Variants in INPP5A observed in about 807,000 individuals in gnomAD.
INPP5A encodes the protein 43 kDa inositol polyphosphate 5-phophatase.
In INPP5A, 14 loss-of-function variants were observed where a neutral mutation model predicts 65.2. That is an observed-to-expected ratio of 0.21 (90% confidence interval 0.14 to 0.34). INPP5A has a LOEUF of 0.34. INPP5A is among the 10% of genes least tolerant of loss of function. The probability of loss-of-function intolerance (pLI) is 1.00; values close to 1 mark genes in which losing one functional copy is unlikely to be tolerated. For missense variants in INPP5A, 431 were observed against 545.6 expected (o/e 0.79, Z 2.09); for synonymous variants, 207 against 208.3 (o/e 0.99, Z 0.05).
chr10:132,589,361 A>G (rs189274360), intron 1 of INPP5A, among the ~76,000 whole-genome samples: 7 of 152,316 alleles, frequency 4.6e-5, no homozygotes, highest in African/African-American at 1.7e-4. Flanking sequence ...GGCAAAGGGA[A>G]GGTGGAGTTT....
At chr10:132,648,215 G>A (rs1393091861) in intron 3 of INPP5A, among the ~76,000 whole-genome samples, 5 of 152,264 alleles carry the variant, frequency 3.3e-5, no homozygotes, top group African/African-American at 1.2e-4. Flanking sequence ...CCCTGAGCAC[G>A]GAGGACGCCG....
intron 11 of INPP5A, among the ~76,000 whole-genome samples, chr10:132,761,846 C>T (rs1373576945): frequency 6.6e-6 from 1 of 152,098 alleles, no homozygotes; most frequent in Non-Finnish European, 1.5e-5. Flanking sequence ...AAAGGCAGGA[C>T]AGACCGTCAA....
In INPP5A at chr10:132,659,332, C is replaced by T. The variant is rs571486340; in HGVS notation, c.306+8827C>T. Among the ~76,000 whole-genome samples the T allele has an allele frequency of 1.6e-4, 24 of 152,302 alleles. No individual in the cohort carries two copies. The highest frequency in any genetic ancestry group is 5.3e-4 in the African/African-American group (22 of 41,550). ...GAAAGATGGAGAGCTGCCATTGGCCCGTAGCTCTGGGGCTGGTCCTGGCCA... is the reference window on the plus strand; with the variant it reads ...GAAAGATGGAGAGCTGCCATTGGCCTGTAGCTCTGGGGCTGGTCCTGGCCA... On this transcript the variant is annotated intron_variant, in intron 4 of 15. Transcript: ENST00000368594. This position sits in a 1 kb window ranked among gnomAD's most constrained non-coding sequence, Gnocchi z 5.5.
chr10:132,572,227 C>T (rs1354927840), intron 1 of INPP5A, among the ~76,000 whole-genome samples: 3 of 152,244 alleles, frequency 2.0e-5, no homozygotes, highest in Non-Finnish European at 4.4e-5. Flanking sequence ...GAGGAAAACG[C>T]CTGTGGCCCA....
intron 8 of INPP5A, among the ~76,000 whole-genome samples, chr10:132,724,137 T>A (rs1241691143): frequency 6.6e-6 from 1 of 152,122 alleles, no homozygotes; most frequent in Non-Finnish European, 1.5e-5. Flanking sequence ...CTATAAAAAG[T>A]TGTACTAATT....
At chr10:132,738,570 C>T (rs1428342099) in intron 9 of INPP5A, among the ~76,000 whole-genome samples, 3 of 152,228 alleles carry the variant, frequency 2.0e-5, no homozygotes, top group African/African-American at 4.8e-5. Context: ...GTGCTAGACA[C>T]AGCCTGAGAA....
At position 132,683,165 on chromosome 10, in the gene INPP5A, A is replaced by G. The variant is rs190660759; in HGVS notation, c.307-7227A>G. On this transcript the variant is annotated intron_variant, in intron 4 of 15. Transcript: ENST00000368594. ...CAAGGCCATGTGTTGTATTATATAC[A>G]TATGTATGCACGTTTAATCCACGTG... Among the ~76,000 whole-genome samples, 3 of 141,410 alleles carry G rather than the reference A, an allele frequency of 2.1e-5. No homozygotes were observed. The East Asian group carries it at 6.6e-4, about 31-fold the overall frequency. The allele number at this position is 141,410 out of a possible 152,430, so 92.8% of individuals were successfully genotyped here.
At position 132,782,045 on chromosome 10, in the gene INPP5A, T is replaced by A; in HGVS notation, c.*16T>A. 1 of 1,586,220 alleles carries A rather than the reference T, an allele frequency of 6.3e-7. No individual in the cohort carries two copies. On this transcript the variant is annotated 3_prime_UTR_variant, in exon 16 of 16. Coordinates refer to ENST00000368594, the MANE Select transcript of INPP5A (RefSeq NM_005539.5). This position sits in a 1 kb window ranked among gnomAD's most constrained non-coding sequence, Gnocchi z 4.4. ...TACGAATTCCGTGACAGGGAAGAGA[T>A]GCCAGCGCCACGAGAGGACACTTCG...
At chr10:132,668,018 T>C (rs1362880563) in intron 4 of INPP5A, among the ~76,000 whole-genome samples, 2 of 152,218 alleles carry the variant, frequency 1.3e-5, no homozygotes, top group Non-Finnish European at 2.9e-5. Flanking sequence ...GAACATAAGT[T>C]GGAGTGGAGA....
intron 4 of INPP5A, among the ~76,000 whole-genome samples, chr10:132,666,578 G>A (rs2072807372): frequency 6.6e-6 from 1 of 152,236 alleles, no homozygotes; most frequent in Non-Finnish European, 1.5e-5. Context: ...CGACTTTGCA[G>A]TGGGGCTCTC....
chr10:132,697,313 GT>G lies in INPP5A; in HGVS notation c.371-502del, dbSNP rs1451727255. Among the ~76,000 whole-genome samples, 1 of 152,254 alleles carries G rather than the reference GT, an allele frequency of 6.6e-6. No homozygotes were observed. Among genetic ancestry groups the G allele is most frequent in the Non-Finnish European group, 1.5e-5 (1 of 68,046 alleles). ...CTGGGCCTGGCCTATCCACTGGGGG[GT>G]CCAGGAAAGGTGCCAAGCAGCCACT... On this transcript the variant is annotated intron_variant, in intron 5 of 15. Transcript: ENST00000368594. The surrounding 1 kb of genome is among the most constrained non-coding windows in gnomAD (Gnocchi z 5.6).
intron 1 of INPP5A, among the ~76,000 whole-genome samples, chr10:132,566,629 C>T (rs2071277942): frequency 6.6e-6 from 1 of 152,226 alleles, no homozygotes; most frequent in Non-Finnish European, 1.5e-5. Flanking sequence ...GTTAGGTTAT[C>T]TCGATAGATG....
intron 1 of INPP5A, among the ~76,000 whole-genome samples, chr10:132,580,362 C>G (rs1055412586): frequency 2.0e-5 from 3 of 152,180 alleles, no homozygotes; most frequent in African/African-American, 7.2e-5. Flanking sequence ...CTTTCACACT[C>G]TATCTCCTGC....
intron 9 of INPP5A, among the ~76,000 whole-genome samples, chr10:132,728,513 CAG>C (rs898877994): frequency 2.0e-5 from 3 of 152,252 alleles, no homozygotes; most frequent in Non-Finnish European, 4.4e-5. Context: ...CGCCAAGCCA[CAG>C]GGGGCTGGAA....
chr10:132,731,987 C>T (rs7899258), intron 9 of INPP5A, among the ~76,000 whole-genome samples: 4 of 152,228 alleles, frequency 2.6e-5, no homozygotes, highest in African/African-American at 4.8e-5. Context: ...CCCCAACAGA[C>T]GTAGATGCCA....
At chr10:132,581,591 G>A (rs2071484306) in intron 1 of INPP5A, among the ~76,000 whole-genome samples, 1 of 152,178 alleles carries the variant, frequency 6.6e-6, no homozygotes, top group African/African-American at 2.4e-5. Flanking sequence ...TGGCGGGTGT[G>A]CAGTGGGACC....
At position 132,547,577 on chromosome 10, in the gene INPP5A, G is replaced by A. The variant is rs1330606012; in HGVS notation, c.75+9406G>A. Among the ~76,000 whole-genome samples, 5 of 152,184 alleles carry A rather than the reference G, an allele frequency of 3.3e-5. No individual in the cohort carries two copies. Among genetic ancestry groups the A allele is most frequent in the Non-Finnish European group, 5.9e-5 (4 of 68,010 alleles). On this transcript the variant is annotated intron_variant, in intron 1 of 15. Coordinates refer to ENST00000368594, the MANE Select transcript of INPP5A (RefSeq NM_005539.5). This position sits in a 1 kb window ranked among gnomAD's most constrained non-coding sequence, Gnocchi z 5.5. The stretch of plus-strand genomic sequence containing the variant: ...GAGGCCGGGCACCTGCACCCTCGCC[G>A]TCGCCCTGGGCTGACCTCCCATCTC...
chr10:132,664,324 C>T (rs2072775382), intron 4 of INPP5A, among the ~76,000 whole-genome samples: 1 of 152,230 alleles, frequency 6.6e-6, no homozygotes, highest in African/African-American at 2.4e-5. Flanking sequence ...AATATTTTCT[C>T]CAAAGCCCGT....
At position 132,706,688 on chromosome 10, in the gene INPP5A, G is replaced by A. The variant is rs1200943709; in HGVS notation, c.475-1625G>A. 2.6e-5 allele frequency among the ~76,000 whole-genome samples: 4 copies of A among 152,196 alleles called. No homozygotes were observed. Among genetic ancestry groups the A allele is most frequent in the Non-Finnish European group, 5.9e-5 (4 of 68,042 alleles). ...GGAGGGGGCAGGGAGCACTTGTGGT[G>A]GGGGCAGGCAAAGAAGGGCCTCATG... On this transcript the variant is annotated intron_variant, in intron 6 of 15. Transcript: ENST00000368594. This position sits in a 1 kb window ranked among gnomAD's most constrained non-coding sequence, Gnocchi z 4.7.
Sources: allele counts gnomAD v4.1 joint callset (sites outside exome capture counted in the v4.1 genomes callset), GRCh38; gene constraint gnomAD v4.1.1; non-coding constraint Gnocchi (gnomAD v3.1); transcripts MANE v1.5; gene names NCBI Gene and HGNC (gene_info 2026-07-23, HGNC 2026-07-21).